The following SUGCT variants were observed in gnomAD, a reference collection of about 807,000 sequenced individuals.
SUGCT encodes succinyl-CoA:glutarate-CoA transferase.
Under a neutral mutation model 55.0 loss-of-function variants are expected in SUGCT, and 41 were observed. The ratio of observed to expected loss-of-function variants is 0.74; its 90% confidence interval spans 0.58 to 0.97. The LOEUF (loss-of-function observed/expected upper bound fraction) is 0.97, where lower values mean the gene tolerates loss of function less well. Among genes scored for constraint, SUGCT ranks in the 50% least tolerant of loss-of-function variants. SUGCT has a pLI of 0.00. For synonymous variants in SUGCT, 187 were observed against 200.4 expected, an observed-to-expected ratio of 0.93 and a Z score of 0.56; for missense variants, 568 against 547.8, an observed-to-expected ratio of 1.04 and a Z score of -0.37.
chr7:40,917,761 C>T, the SUGCT span, among the ~76,000 whole-genome samples: 2 of 152,270 alleles, frequency 1.3e-5, no homozygotes, highest in East Asian at 3.9e-4. Context: ...TGCAGATGGC[C>T]ACCTTCTTGC....
intron 7 of SUGCT, among the ~76,000 whole-genome samples, chr7:40,240,793 T>C (rs1789329439): frequency 6.6e-6 from 1 of 152,248 alleles, no homozygotes; most frequent in Non-Finnish European, 1.5e-5. Flanking sequence ...ATCAGGAGGC[T>C]TCTCCACATC....
the SUGCT span, among the ~76,000 whole-genome samples, chr7:40,938,554 A>G: frequency 0.33 from 49,891 of 151,792 alleles, 9,023 homozygotes; most frequent in Admixed American, 0.45. Context: ...TGGTTACATG[A>G]ATGAATTGTT....
chr7:40,301,520 A>G (rs1161027782), intron 8 of SUGCT, among the ~76,000 whole-genome samples: 3 of 152,220 alleles, frequency 2.0e-5, no homozygotes, highest in Admixed American at 6.5e-5. Flanking sequence ...TTCTTGTCCT[A>G]TTCCACACCT....
the SUGCT span, among the ~76,000 whole-genome samples, chr7:41,025,179 TA>T: frequency 6.6e-6 from 1 of 152,166 alleles, no homozygotes; most frequent in Non-Finnish European, 1.5e-5. Context: ...AATTCTGTGA[TA>T]AAAAGGAAGG....
At chr7:40,576,798 G>C (rs1440947789) in intron 12 of SUGCT, among the ~76,000 whole-genome samples, 1 of 152,194 alleles carries the variant, frequency 6.6e-6, no homozygotes, top group African/African-American at 2.4e-5. Flanking sequence ...TAGTAGGGGA[G>C]AAGGCCTGGT....
chr7:40,183,974 G>A (rs1785358443), intron 3 of SUGCT, among the ~76,000 whole-genome samples: 1 of 152,144 alleles, frequency 6.6e-6, no homozygotes, highest in African/African-American at 2.4e-5. Context: ...AGGAGTTCAA[G>A]ACCAGCCTGG....
intron 7 of SUGCT, among the ~76,000 whole-genome samples, chr7:40,246,858 CA>C (rs1438055938): frequency 1.3e-5 from 2 of 152,064 alleles, no homozygotes; most frequent in Admixed American, 1.3e-4. Context: ...CTCAGCCTCC[CA>C]AAGTGCTGAG....
At chr7:40,803,522 A>G (rs1171487829) in intron 13 of SUGCT, among the ~76,000 whole-genome samples, 1 of 152,128 alleles carries the variant, frequency 6.6e-6, no homozygotes, top group East Asian at 1.9e-4. Context: ...CTTAAGTCTT[A>G]AGGGAATTAT....
chr7:41,007,823 C>CAAAAAAAAAAAAAAAAAAAAAAA, the SUGCT span, among the ~76,000 whole-genome samples: 1 of 104,292 alleles, frequency 9.6e-6, no homozygotes. Context: ...AACTGAAATC[C>CAAAAAAAAAAAAAAAAAAAAAAA]AAAAAAAAAA....
intron 12 of SUGCT, chr7:40,546,825 T>G (rs2151631454): frequency 6.6e-6 from 1 of 152,376 alleles, no homozygotes; most frequent in East Asian, 1.9e-4. Context: ...TCATCCTTTT[T>G]GCTCACTTTC....
In SUGCT at chr7:40,615,960, C is replaced by T. The variant is rs368058087; in HGVS notation, c.1089+119574C>T. The stretch of plus-strand genomic sequence containing the variant: ...CCATTTAATATGTTTAATAATATTA[C>T]GGTTTAATTAATGCATTTATCTCTT... On this transcript the variant is annotated intron_variant, in intron 12 of 13. Coordinates refer to ENST00000335693, the MANE Select transcript of SUGCT (RefSeq NM_001193313.2). Among the ~76,000 whole-genome samples the T allele has an allele frequency of 1.8e-4, 28 of 152,222 alleles. No homozygotes were observed. In the Middle Eastern group the frequency reaches 0.01, roughly 55 times the overall value.
At position 40,203,747 on chromosome 7, in the gene SUGCT, C is replaced by A. The variant is rs374025560; in HGVS notation, c.484+8687C>A. Among the ~76,000 whole-genome samples, 110 of 151,286 alleles carry A rather than the reference C, an allele frequency of 7.3e-4. 4 individuals carry two copies. The South Asian group carries it at 0.021, about 29-fold the overall frequency. On this transcript the variant is annotated intron_variant, in intron 6 of 13. Transcript: ENST00000335693. ...CTGAGATCGCACCATTGCACTCCAG[C>A]CTGGGCATCAGAGTGAGACTCCATC...
chr7:40,516,868 C>T (rs763897713), intron 12 of SUGCT, among the ~76,000 whole-genome samples: 2 of 151,850 alleles, frequency 1.3e-5, no homozygotes, highest in Non-Finnish European at 2.9e-5. Flanking sequence ...TGTAAGAATC[C>T]AGCTGGGATT....
rs542434238 is a variant in SUGCT at position 40,591,103 on chromosome 7, G to A, written c.1089+94717G>A. On this transcript the variant is annotated intron_variant, in intron 12 of 13. Transcript: ENST00000335693. ...GGCTGCCATAAATAGTGATTCCTCC[G>A]ATGGATCTGGGCAAAAGAAATTAAA... Among the ~76,000 whole-genome samples the A allele has an allele frequency of 4.6e-5, 7 of 152,220 alleles. No individual in the cohort carries two copies. In the South Asian group the frequency reaches 1.0e-3, roughly 23 times the overall value.
rs543491333 is a variant in SUGCT at position 40,250,202 on chromosome 7, A to T, written c.576+12476A>T. ...TGCTTCAGCTCAGGAGTTCGAGACC[A>T]GCCTGGGCAACATGGCGAAACCCCA... On this transcript the variant is annotated intron_variant, in intron 7 of 13. Coordinates refer to ENST00000335693, the MANE Select transcript of SUGCT (RefSeq NM_001193313.2). Among the ~76,000 whole-genome samples the T allele has an allele frequency of 3.3e-5, 5 of 152,168 alleles. 1 individual carries two copies. Among genetic ancestry groups the T allele is most frequent in the Admixed American group, 3.3e-4 (5 of 15,282 alleles).
chr7:40,343,049 G>A (rs1797134803), intron 9 of SUGCT, among the ~76,000 whole-genome samples: 2 of 152,110 alleles, frequency 1.3e-5, no homozygotes, highest in Non-Finnish European at 2.9e-5. Flanking sequence ...TCTATGTGAA[G>A]TAATGACTGT....
intron 12 of SUGCT, among the ~76,000 whole-genome samples, chr7:40,712,392 T>C (rs1785774440): frequency 6.6e-6 from 1 of 152,208 alleles, no homozygotes; most frequent in South Asian, 2.1e-4. Context: ...CAGGCAGAAC[T>C]GGAAAGCAGC....
At chr7:40,981,385 CTT>C in the SUGCT span, among the ~76,000 whole-genome samples, 1 of 152,144 alleles carries the variant, frequency 6.6e-6, no homozygotes, top group Non-Finnish European at 1.5e-5. Flanking sequence ...CTGGCAGTGT[CTT>C]TGCTGGTATA....
chr7:40,664,927 CT>C (rs1425885274), intron 12 of SUGCT, among the ~76,000 whole-genome samples: 1 of 148,452 alleles, frequency 6.7e-6, no homozygotes, highest in Non-Finnish European at 1.5e-5. Context: ...TTGCAGTAAG[CT>C]GAGATTGCGC....
Sources: gnomAD v4.1 joint callset for allele counts (sites outside exome capture counted in the v4.1 genomes callset) on GRCh38, gnomAD v4.1.1 for gene constraint, MANE v1.5 for transcripts, NCBI Gene and HGNC (gene_info 2026-07-23, HGNC 2026-07-21) for gene names.